The following MATCAP2 variants were observed in gnomAD, a reference collection of about 807,000 sequenced individuals.
MATCAP2 encodes the protein putative tyrosine carboxypeptidase MATCAP2.
the MATCAP2 span, chr7:36,390,147 CGT>C: frequency 6.3e-7 from 1 of 1,587,806 alleles, no homozygotes; most frequent in South Asian, 1.1e-5. Flanking sequence ...GCGGAGGGCG[CGT>C]GTGTGCGCGC....
the MATCAP2 span, chr7:36,389,897 T>C: frequency 6.5e-6 from 10 of 1,536,968 alleles, no homozygotes; most frequent in Non-Finnish European, 9.0e-6. Context: ...AGAGGACAGC[T>C]GGTTGTGGGA....
At chr7:36,342,655 C>T in the MATCAP2 span, among the ~76,000 whole-genome samples, 1 of 152,074 alleles carries the variant, frequency 6.6e-6, no homozygotes, top group Non-Finnish European at 1.5e-5. Flanking sequence ...AACAGAGTCT[C>T]CCTCTGTTGC....
At chr7:36,356,832 T>C in the MATCAP2 span, 1 of 1,258,586 alleles carries the variant, frequency 7.9e-7, no homozygotes, top group Non-Finnish European at 1.2e-6. Context: ...TCTTTGTTTT[T>C]GCTTATAAGA....
chr7:36,358,643 A>G, the MATCAP2 span, among the ~76,000 whole-genome samples: 2 of 152,220 alleles, frequency 1.3e-5, no homozygotes, highest in Admixed American at 6.5e-5. Flanking sequence ...TTGTGCATTC[A>G]CTACTTTAAA....
At chr7:36,357,540 C>A in the MATCAP2 span, 2 of 1,614,010 alleles carry the variant, frequency 1.2e-6, no homozygotes, top group Non-Finnish European at 1.7e-6. Context: ...GAATCTTCTG[C>A]ATTTAGAATA....
chr7:36,357,666 T>C, the MATCAP2 span: 1 of 1,086,504 alleles, frequency 9.2e-7, no homozygotes, highest in Non-Finnish European at 1.3e-6. Context: ...TTAGGAAAGG[T>C]ATTCTGAAGA....
chr7:36,330,984 T>G, the MATCAP2 span: 1 of 1,600,736 alleles, frequency 6.2e-7, no homozygotes, highest in Non-Finnish European at 8.6e-7. Flanking sequence ...CTACTCACCT[T>G]CCCGAGAGCA....
At chr7:36,344,970 AATGTACACACACCTATCCCT>A in the MATCAP2 span, among the ~76,000 whole-genome samples, 2 of 152,308 alleles carry the variant, frequency 1.3e-5, no homozygotes, top group East Asian at 3.9e-4. Context: ...AGAACATCTT[AATGTACACACACCTATCCCT>A]ATTGTCCAGG....
the MATCAP2 span, chr7:36,331,095 T>C: frequency 7.8e-5 from 117 of 1,505,026 alleles, no homozygotes; most frequent in Non-Finnish European, 1.0e-4. Context: ...GGAACCAGAA[T>C]AGTGTTTACT....
At chr7:36,332,871 G>A in the MATCAP2 span, among the ~76,000 whole-genome samples, 13 of 152,174 alleles carry the variant, frequency 8.5e-5, no homozygotes, top group Non-Finnish European at 1.5e-4. Flanking sequence ...AGGTTGCGGT[G>A]AGCTGAGATC....
At chr7:36,347,475 AAGACCT>A in the MATCAP2 span, among the ~76,000 whole-genome samples, 1 of 152,186 alleles carries the variant, frequency 6.6e-6, no homozygotes, top group East Asian at 1.9e-4. Context: ...TAGAAGTCAG[AAGACCT>A]GGTTTTACAT....
the MATCAP2 span, among the ~76,000 whole-genome samples, chr7:36,330,519 A>T: frequency 6.6e-6 from 1 of 152,270 alleles, no homozygotes; most frequent in Non-Finnish European, 1.5e-5. Flanking sequence ...TGGATCTCAG[A>T]TCACAAAAAA....
the MATCAP2 span, among the ~76,000 whole-genome samples, chr7:36,372,831 A>G: frequency 6.6e-6 from 1 of 152,328 alleles, no homozygotes; most frequent in South Asian, 2.1e-4. Flanking sequence ...ATGGCTGGGC[A>G]TGGTGGCTCA....
the MATCAP2 span, among the ~76,000 whole-genome samples, chr7:36,349,239 G>GA: frequency 6.6e-6 from 1 of 152,154 alleles, no homozygotes; most frequent in African/African-American, 2.4e-5. Context: ...GAGAGCAGGG[G>GA]AGAGACAGAA....
chr7:36,376,926 A>AT, the MATCAP2 span, among the ~76,000 whole-genome samples: 7 of 149,916 alleles, frequency 4.7e-5, no homozygotes, highest in South Asian at 4.2e-4. Context: ...CTGCTTTTTT[A>AT]TTTTTTTTAT....
the MATCAP2 span, among the ~76,000 whole-genome samples, chr7:36,362,196 TTGTC>T: frequency 6.6e-6 from 1 of 152,234 alleles, no homozygotes; most frequent in Non-Finnish European, 1.5e-5. Context: ...ATTGCTCAAT[TTGTC>T]TGCACTATAA....
chr7:36,340,986 G>C, the MATCAP2 span, among the ~76,000 whole-genome samples: 1 of 152,182 alleles, frequency 6.6e-6, no homozygotes, highest in South Asian at 2.1e-4. Flanking sequence ...TCATGTCTGG[G>C]AATCAGATGA....
chr7:36,333,835 C>A, the MATCAP2 span: 1 of 1,547,592 alleles, frequency 6.5e-7, no homozygotes, highest in African/African-American at 1.4e-5. Flanking sequence ...GTCAGAAAAC[C>A]TAGAGTTAAG....
chr7:36,390,347 G>T, the MATCAP2 span: 1 of 441,934 alleles, frequency 2.3e-6, no homozygotes, highest in South Asian at 3.2e-5. Context: ...CAGTCCTGGC[G>T]CAGCAAGAGT....
Sources: gnomAD v4.1 joint callset for allele counts (sites outside exome capture counted in the v4.1 genomes callset) on GRCh38, gnomAD v4.1.1 for gene constraint, MANE v1.5 for transcripts, NCBI Gene and HGNC (gene_info 2026-07-23, HGNC 2026-07-21) for gene names.